VAV3: variants seen among roughly 807,000 people sequenced by gnomAD.
The protein encoded by VAV3 is guanine nucleotide exchange factor VAV3.
Under a neutral mutation model 131.2 loss-of-function variants are expected in VAV3, and 94 were observed. That is an observed-to-expected ratio of 0.72 (90% CI 0.61 to 0.85). The LOEUF (loss-of-function observed/expected upper bound fraction) is 0.85. VAV3 is among the 40% of genes least tolerant of loss of function. VAV3 has a pLI of 0.00. For synonymous variants in VAV3, 349 were observed against 342.0 expected, an observed-to-expected ratio of 1.02 and a Z score of -0.22; for missense variants, 939 against 1,002.7, an observed-to-expected ratio of 0.94 and a Z score of 0.86.
chr1:107,860,794 G>T (rs1263480909), intron 2 of VAV3, among the ~76,000 whole-genome samples: 2 of 151,630 alleles, frequency 1.3e-5, no homozygotes, highest in African/African-American at 2.4e-5. Flanking sequence ...TACTCAGGAG[G>T]CTGAGGCACA....
intron 2 of VAV3, among the ~76,000 whole-genome samples, chr1:107,865,992 T>C (rs969106188): frequency 4.6e-5 from 7 of 152,114 alleles, no homozygotes; most frequent in African/African-American, 1.7e-4. Context: ...CAGATAGGCA[T>C]GCATACAACA....
At position 107,709,961 on chromosome 1, in the gene VAV3, G is replaced by A. The variant is rs535522595; in HGVS notation, c.1503-4900C>T. Among the ~76,000 whole-genome samples the A allele has an allele frequency of 9.9e-5, 15 of 152,130 alleles. No homozygotes were observed. In the East Asian group the frequency reaches 2.3e-3, roughly 23 times the overall value. ...AATATTTTTACAAAAAACTATAATC[G>A]TACTCATACATATATTTCAGTAATA... On this transcript the variant is annotated intron_variant, in intron 15 of 26. Coordinates refer to ENST00000370056, the MANE Select transcript of VAV3 (RefSeq NM_006113.5).
At chr1:107,891,387 T>G (rs892051915) in intron 1 of VAV3, among the ~76,000 whole-genome samples, 5 of 152,248 alleles carry the variant, frequency 3.3e-5, no homozygotes, top group Non-Finnish European at 4.4e-5. Context: ...CATTATTATA[T>G]GCCCTGATCA....
chr1:107,835,175 C>T (rs1053860922), intron 2 of VAV3, among the ~76,000 whole-genome samples: 7 of 152,220 alleles, frequency 4.6e-5, no homozygotes, highest in Non-Finnish European at 8.8e-5. Flanking sequence ...CCACCAGCCG[C>T]TATCAAGGCC....
intron 1 of VAV3, among the ~76,000 whole-genome samples, chr1:107,898,583 C>G (rs1376798837): frequency 6.6e-6 from 1 of 152,132 alleles, no homozygotes; most frequent in African/African-American, 2.4e-5. Flanking sequence ...AGCTTTCAAT[C>G]TCTAGGGTCC....
chr1:107,791,060 T>A lies in VAV3; in HGVS notation c.322-11568A>T, dbSNP rs72981433. 3.9e-3 allele frequency among the ~76,000 whole-genome samples: 599 copies of A among 152,244 alleles called. 2 individuals carry two copies. Among genetic ancestry groups the A allele is most frequent in the African/African-American group, 0.014 (576 of 41,548 alleles). On this transcript the variant is annotated intron_variant, in intron 2 of 26. Coordinates refer to ENST00000370056, the MANE Select transcript of VAV3 (RefSeq NM_006113.5). Reference sequence around the variant, plus strand: ...AGGGAAAGATGCTGAGTTCTATACATCGATAGTCTCACCAAAGTTTGAGGG... The same window carrying A: ...AGGGAAAGATGCTGAGTTCTATACAACGATAGTCTCACCAAAGTTTGAGGG...
chr1:107,649,475 C>CAG (rs1290591221), intron 19 of VAV3, among the ~76,000 whole-genome samples: 1 of 151,956 alleles, frequency 6.6e-6, no homozygotes, highest in African/African-American at 2.4e-5. Flanking sequence ...ATGGTTGGTC[C>CAG]AGAAAGATTC....
chr1:107,704,390 C>A (rs535455758), intron 17 of VAV3, among the ~76,000 whole-genome samples, 160 bp downstream of exon 17: 2 of 152,076 alleles, frequency 1.3e-5, no homozygotes, highest in African/African-American at 4.8e-5. Context: ...AGAAAACTCA[C>A]GTAAATTTTA....
chr1:107,602,531 T>C (rs1041804026), intron 23 of VAV3, 47 bp from the exon 24 acceptor site: 36 of 1,411,728 alleles, frequency 2.6e-5, no homozygotes, highest in Non-Finnish European at 3.4e-5. Flanking sequence ...TTTTAATCAG[T>C]AGAAATCAAT....
At chr1:107,630,304 T>C (rs1305136486) in intron 20 of VAV3, among the ~76,000 whole-genome samples, 2 of 151,810 alleles carry the variant, frequency 1.3e-5, no homozygotes, top group South Asian at 2.1e-4. Context: ...TATAAGTATA[T>C]GAATGGATGA....
intron 2 of VAV3, among the ~76,000 whole-genome samples, chr1:107,858,168 G>A (rs1333299354): frequency 3.3e-5 from 5 of 152,104 alleles, no homozygotes; most frequent in Non-Finnish European, 5.9e-5. Flanking sequence ...TTAAACTAAA[G>A]GAGGAAAATC....
intron 1 of VAV3, among the ~76,000 whole-genome samples, chr1:107,960,630 A>G (rs924893320): frequency 6.6e-6 from 1 of 151,480 alleles, no homozygotes; most frequent in African/African-American, 2.4e-5. Flanking sequence ...CACGTTTCCC[A>G]CTCTTTCCCA....
intron 1 of VAV3, among the ~76,000 whole-genome samples, chr1:107,935,341 A>G (rs1388309898): frequency 6.6e-6 from 1 of 152,240 alleles, no homozygotes; most frequent in Non-Finnish European, 1.5e-5. Flanking sequence ...CCAGTCAGCA[A>G]ATAAAATTCA....
chr1:107,722,259 T>C (rs1661545580), intron 15 of VAV3, among the ~76,000 whole-genome samples: 2 of 152,172 alleles, frequency 1.3e-5, no homozygotes, highest in Non-Finnish European at 2.9e-5. Flanking sequence ...CAAAACTAAT[T>C]ACATTAGAGA....
chr1:107,775,095 C>A (rs774465530), intron 4 of VAV3, among the ~76,000 whole-genome samples: 1 of 152,144 alleles, frequency 6.6e-6, no homozygotes, highest in Non-Finnish European at 1.5e-5. Context: ...TTAAAGCAGA[C>A]TGCCTCTCAC....
intron 1 of VAV3, among the ~76,000 whole-genome samples, chr1:107,907,556 C>T (rs972792698): frequency 7.2e-5 from 11 of 152,084 alleles, no homozygotes. Context: ...GAATGCTTTG[C>T]CTTCATGGAT....
chr1:107,701,369 C>T (rs1660121929), intron 17 of VAV3, among the ~76,000 whole-genome samples: 1 of 151,800 alleles, frequency 6.6e-6, no homozygotes, highest in African/African-American at 2.4e-5. Context: ...GGCCCCTTTT[C>T]GCCATGGCTG....
chr1:107,628,215 A>G (rs1654182175), intron 20 of VAV3, among the ~76,000 whole-genome samples: 1 of 152,190 alleles, frequency 6.6e-6, no homozygotes, highest in Non-Finnish European at 1.5e-5. Flanking sequence ...CCTGTGAAAA[A>G]GATCCCCCTA....
chr1:107,944,831 C>T (rs1390217619), intron 1 of VAV3, among the ~76,000 whole-genome samples: 1 of 152,156 alleles, frequency 6.6e-6, no homozygotes, highest in East Asian at 1.9e-4. Context: ...GTCTCGAACT[C>T]CTGAGCTCTG....
Sources: gnomAD v4.1 joint callset for allele counts (sites outside exome capture counted in the v4.1 genomes callset) on GRCh38, gnomAD v4.1.1 for gene constraint, MANE v1.5 for transcripts, NCBI Gene and HGNC (gene_info 2026-07-23, HGNC 2026-07-21) for gene names.